The following RPS6KA2 variants were observed in gnomAD, a reference collection of about 807,000 sequenced individuals.
The protein encoded by RPS6KA2 is ribosomal protein S6 kinase alpha-2.
A neutral mutation model predicts 91.8 loss-of-function variants in RPS6KA2; 42 were observed. The ratio of observed to expected loss-of-function variants is 0.46; its 90% CI spans 0.36 to 0.59. RPS6KA2 has a LOEUF of 0.59. RPS6KA2 is among the 20% of genes least tolerant of loss of function. RPS6KA2 has a pLI of 0.00. For synonymous variants in RPS6KA2, 414 were observed against 393.6 expected, an observed-to-expected ratio of 1.05 and a Z score of -0.61; for missense variants, 798 against 978.5, an observed-to-expected ratio of 0.82 and a Z score of 2.46.
At position 166,681,118 on chromosome 6, in the gene RPS6KA2, G is replaced by A. The variant is rs191850406; in HGVS notation, c.124-142334C>T. On this transcript the variant is annotated intron_variant, in intron 2 of 21. Coordinates refer to the RPS6KA2 transcript ENST00000503859. The stretch of plus-strand genomic sequence containing the variant: ...AATTGGAGAAGGTGGAAAGGGCAGA[G>A]AGGCAGCGCCAGAGCACAGATCTAG... Among the ~76,000 whole-genome samples, 5 of 152,348 alleles carry A rather than the reference G, an allele frequency of 3.3e-5. No individual in the cohort carries two copies. In the East Asian group the frequency reaches 9.6e-4, roughly 29 times the overall value.
Position 166,825,067 on chromosome 6 carries a change from G to A in RPS6KA2, c.123+33133C>T, listed in dbSNP as rs987105562. 6.6e-6 allele frequency among the ~76,000 whole-genome samples: 1 copy of A among 152,356 alleles called. No individual in the cohort carries two copies. The highest frequency in any genetic ancestry group is 6.5e-5 in the Admixed American group (1 of 15,306). ...CCTCCACCCACACAGCAGTGCTGCA[G>A]AGCGCTGTTCTTCCACGAGGGAATA... On this transcript the variant is annotated intron_variant, in intron 2 of 21. Transcript: ENST00000503859. This position sits in a 1 kb window ranked among gnomAD's most constrained non-coding sequence, Gnocchi z 4.1.
intron 2 of RPS6KA2, among the ~76,000 whole-genome samples, chr6:166,837,687 G>A (rs71571459): frequency 2.6e-5 from 4 of 152,074 alleles, no homozygotes; most frequent in East Asian, 1.9e-4. Flanking sequence ...TCTTCCACCC[G>A]CCCTCTGCCC....
At chr6:166,673,126 C>T (rs937838550) in intron 2 of RPS6KA2, among the ~76,000 whole-genome samples, 6 of 152,184 alleles carry the variant, frequency 3.9e-5, no homozygotes, top group African/African-American at 7.2e-5. Context: ...CTCAGTCTCC[C>T]GCTGCCTGTC....
chr6:166,429,776 C>T (rs545937269), intron 16 of RPS6KA2, among the ~76,000 whole-genome samples: 3 of 152,108 alleles, frequency 2.0e-5, no homozygotes, highest in African/African-American at 7.2e-5. Context: ...TGTTAAAATG[C>T]TATATAAGCT....
At chr6:166,751,864 G>C (rs1252869154) in intron 2 of RPS6KA2, among the ~76,000 whole-genome samples, 2 of 152,104 alleles carry the variant, frequency 1.3e-5, no homozygotes, top group East Asian at 3.9e-4. Flanking sequence ...ACCAAGGACA[G>C]CATGGAGCAC....
chr6:166,833,406 A>T (rs1316410791), intron 2 of RPS6KA2, among the ~76,000 whole-genome samples: 3 of 152,252 alleles, frequency 2.0e-5, no homozygotes, highest in Non-Finnish European at 4.4e-5. Context: ...GATTTATTGA[A>T]GTTTAATTTA....
intron 11 of RPS6KA2, among the ~76,000 whole-genome samples, chr6:166,462,247 C>T (rs549584452): frequency 1.3e-5 from 2 of 152,346 alleles, no homozygotes; most frequent in South Asian, 2.1e-4. Context: ...AACCCCTTCC[C>T]CTCCCCATGG....
intron 2 of RPS6KA2, among the ~76,000 whole-genome samples, chr6:166,845,968 T>A (rs926523747): frequency 6.6e-6 from 1 of 152,054 alleles, no homozygotes; most frequent in South Asian, 2.1e-4. Context: ...ATTAGCGAGA[T>A]TAACCAAGAA....
At position 166,455,125 on chromosome 6, in the gene RPS6KA2, T is replaced by A. The variant is rs534891100; in HGVS notation, c.1076-3892A>T. On this transcript the variant is annotated intron_variant, in intron 12 of 20. Transcript: ENST00000265678. ...TGTCTCTCAGCACTTCTTCCCCCCC[T>A]CGTCTGTTTAGGTGCTGTACTTTGA... Among the ~76,000 whole-genome samples the A allele has an allele frequency of 7.2e-5, 11 of 152,204 alleles. No homozygotes were observed. In the East Asian group the frequency reaches 1.9e-3, roughly 27 times the overall value.
chr6:166,506,047 G>A (rs932134987), intron 5 of RPS6KA2, among the ~76,000 whole-genome samples: 1 of 152,178 alleles, frequency 6.6e-6, no homozygotes, highest in Non-Finnish European at 1.5e-5. Context: ...GAGTTCTGCA[G>A]GTTCACCGGC....
At chr6:166,425,329 C>G (rs993122933) in intron 16 of RPS6KA2, among the ~76,000 whole-genome samples, 4 of 151,782 alleles carry the variant, frequency 2.6e-5, no homozygotes, top group Admixed American at 2.0e-4. Flanking sequence ...ACAACAGGTA[C>G]CAGCCACTGC....
At chr6:166,602,327 C>T (rs572006872) in intron 1 of RPS6KA2, among the ~76,000 whole-genome samples, 27 of 152,358 alleles carry the variant, frequency 1.8e-4, no homozygotes, top group African/African-American at 6.3e-4. Flanking sequence ...TCGTGTGCTC[C>T]ATGACCCAGC....
intron 2 of RPS6KA2, among the ~76,000 whole-genome samples, chr6:166,729,130 G>C (rs960097321): frequency 2.6e-5 from 4 of 152,150 alleles, no homozygotes; most frequent in African/African-American, 7.2e-5. Context: ...TGCTGAGTAG[G>C]GGGTAGCCTA....
intron 2 of RPS6KA2, among the ~76,000 whole-genome samples, chr6:166,633,095 C>T (rs112309868): frequency 0.011 from 1,713 of 152,284 alleles, 17 homozygotes; most frequent in Non-Finnish European, 0.015. Flanking sequence ...TGGTGTGTGC[C>T]TGTGGTCCCA....
At chr6:166,768,209 C>T (rs1008390500) in intron 2 of RPS6KA2, among the ~76,000 whole-genome samples, 6 of 152,222 alleles carry the variant, frequency 3.9e-5, no homozygotes, top group African/African-American at 1.2e-4. Flanking sequence ...AAGCTCCCCC[C>T]GTTCTGGTTG....
At chr6:166,597,841 T>C (rs759881244) in intron 1 of RPS6KA2, among the ~76,000 whole-genome samples, 5 of 152,180 alleles carry the variant, frequency 3.3e-5, no homozygotes, top group Non-Finnish European at 7.3e-5. Flanking sequence ...TGAGATGCTC[T>C]AGAGAGCAGG....
At chr6:166,416,674 C>T (rs1275246075) in intron 19 of RPS6KA2, among the ~76,000 whole-genome samples, 1 of 100,562 alleles carries the variant, frequency 9.9e-6, no homozygotes, top group Non-Finnish European at 2.5e-5. Context: ...CAGCTCCATC[C>T]CTGCTCCCAC....
intron 2 of RPS6KA2, among the ~76,000 whole-genome samples, chr6:166,765,451 G>C (rs1778285227): frequency 1.3e-5 from 2 of 152,210 alleles, no homozygotes; most frequent in African/African-American, 2.4e-5. Context: ...GGGTGACATA[G>C]GTTCCTTATT....
chr6:166,762,362 G>A (rs1482002563), intron 2 of RPS6KA2, among the ~76,000 whole-genome samples: 3 of 152,186 alleles, frequency 2.0e-5, no homozygotes, highest in African/African-American at 4.8e-5. Flanking sequence ...CATGCAGTGT[G>A]CGTGTGTGTG....
Sources: allele counts gnomAD v4.1 joint callset (sites outside exome capture counted in the v4.1 genomes callset), GRCh38; gene constraint gnomAD v4.1.1; non-coding constraint Gnocchi (gnomAD v3.1); transcripts MANE v1.5; gene names NCBI Gene and HGNC (gene_info 2026-07-23, HGNC 2026-07-21).